The following ZMYND8 variants were observed in gnomAD, a reference collection of about 807,000 sequenced individuals.
ZMYND8 encodes the protein MYND-type zinc finger-containing chromatin reader ZMYND8.
A neutral mutation model predicts 140.8 loss-of-function variants in ZMYND8; 37 were observed. That is an observed-to-expected ratio of 0.26 (90% CI 0.20 to 0.35). The LOEUF is 0.35. Ranked by LOEUF, ZMYND8 falls within the 10% of genes least tolerant of loss-of-function variation. The probability of loss-of-function intolerance (pLI) is 1.00; values close to 1 mark genes in which losing one functional copy is unlikely to be tolerated. For missense variants in ZMYND8, 1,068 were observed against 1,570.0 expected (o/e 0.68, Z 5.40); for synonymous variants, 592 against 597.1 (o/e 0.99, Z 0.12).
intron 11 of ZMYND8, among the ~76,000 whole-genome samples, chr20:47,269,384 G>C (rs978101381): frequency 5.9e-5 from 9 of 152,302 alleles, no homozygotes; most frequent in Middle Eastern, 3.4e-3. Context: ...CAGTGGTCCT[G>C]AGGTTGAGAA....
At chr20:47,246,706 C>T (rs1037942838) in intron 13 of ZMYND8, among the ~76,000 whole-genome samples, 189 bp from the exon 14 acceptor site, 7 of 152,110 alleles carry the variant, frequency 4.6e-5, no homozygotes, top group African/African-American at 1.4e-4. Context: ...GTGGTACTTG[C>T]CTTGGGAGAG....
At chr20:47,312,305 A>C (rs1435937232) in intron 2 of ZMYND8, among the ~76,000 whole-genome samples, 1 of 152,214 alleles carries the variant, frequency 6.6e-6, no homozygotes, top group African/African-American at 2.4e-5. Context: ...TTCACAAAGG[A>C]AGACAATGAA....
chr20:47,326,106 C>T (rs567190187), intron 2 of ZMYND8, among the ~76,000 whole-genome samples: 9 of 152,274 alleles, frequency 5.9e-5, no homozygotes, highest in East Asian at 3.9e-4. Context: ...TACAGGTGCC[C>T]GCTACCACGC....
At chr20:47,322,920 G>T (rs770321456) in intron 2 of ZMYND8, among the ~76,000 whole-genome samples, 2 of 152,144 alleles carry the variant, frequency 1.3e-5, no homozygotes, top group Non-Finnish European at 2.9e-5. Context: ...CTTGGCATTG[G>T]CCAACGTCAA....
At chr20:47,355,584 A>G in intron 1 of ZMYND8, 1 of 770,346 alleles carries the variant, frequency 1.3e-6, no homozygotes, top group South Asian at 5.9e-5. Context: ...ACACAACAAC[A>G]ACAACACAAC....
chr20:47,276,017 TATG>T (rs1392224557), intron 11 of ZMYND8, among the ~76,000 whole-genome samples: 1 of 152,248 alleles, frequency 6.6e-6, no homozygotes, highest in Non-Finnish European at 1.5e-5. Flanking sequence ...TTATTTGTGT[TATG>T]GAAAGTCAAT....
Position 47,313,447 on chromosome 20 carries a change from C to T in ZMYND8, c.86-3243G>A, listed in dbSNP as rs1450672874. Reference sequence around the variant, plus strand: ...ACCATCCTGGCTAACATGGTGAAACCCCGTCTCTACCAAAAATACAAAAAA... The same window carrying T: ...ACCATCCTGGCTAACATGGTGAAACTCCGTCTCTACCAAAAATACAAAAAA... On this transcript the variant is annotated intron_variant, in intron 2 of 22. Coordinates refer to ENST00000471951, the MANE Select transcript of ZMYND8 (RefSeq NM_001281775.3). Among the ~76,000 whole-genome samples the T allele has an allele frequency of 3.3e-5, 5 of 151,324 alleles. No individual in the cohort carries two copies. The East Asian group carries it at 5.9e-4, about 18-fold the overall frequency.
chr20:47,228,502 A>C (rs1464580799), intron 17 of ZMYND8, among the ~76,000 whole-genome samples: 1 of 152,240 alleles, frequency 6.6e-6, no homozygotes, highest in Non-Finnish European at 1.5e-5. Context: ...TTTCAACCAC[A>C]CACCAATTCT....
intron 20 of ZMYND8, among the ~76,000 whole-genome samples, chr20:47,220,852 C>A (rs1040196898): frequency 6.6e-6 from 1 of 152,206 alleles, no homozygotes; most frequent in Non-Finnish European, 1.5e-5. Context: ...ACATACATCA[C>A]ACCCTGGCAA....
intron 1 of ZMYND8, chr20:47,355,348 G>A (rs1472089617): frequency 1.6e-5 from 11 of 667,394 alleles, no homozygotes; most frequent in Admixed American, 6.3e-5. Context: ...TGCTAATGAA[G>A]CCCCCAACTC....
chr20:47,242,104 G>A (rs868418361), intron 14 of ZMYND8, among the ~76,000 whole-genome samples: 25 of 152,088 alleles, frequency 1.6e-4, no homozygotes, highest in African/African-American at 5.8e-4. Context: ...GGCGTGAGCC[G>A]CTGCGCCCGG....
chr20:47,282,281 T>C, intron 9 of ZMYND8, 64 bp from the exon 10 acceptor site: 1 of 1,438,678 alleles, frequency 7.0e-7, no homozygotes, highest in Non-Finnish European at 9.7e-7. Context: ...TCACTAAAGT[T>C]TGGTATGTGA....
At position 47,237,201 on chromosome 20, in the gene ZMYND8, G is replaced by A. The variant is rs1429690241; in HGVS notation, c.2666-685C>T. ...TCTGTCGCCCAGGCTGGAGTGCAGT[G>A]GTGCAATCTTAGCTCACTGCAACCT... is the stretch of plus-strand genomic sequence containing the variant. On this transcript the variant is annotated intron_variant, in intron 15 of 22. Coordinates refer to ENST00000471951, the MANE Select transcript of ZMYND8 (RefSeq NM_001281775.3). 9.2e-5 allele frequency: 14 copies of A among 151,484 alleles called. No homozygotes were observed. In the East Asian group the frequency reaches 2.1e-3, roughly 23 times the overall value. 9.4% of individuals were successfully genotyped at this position (151,484 alleles called of 1,614,324 possible). A position where few individuals can be genotyped will look rare whatever the true frequency, so the allele number is the denominator to read the frequency against.
At position 47,276,366 on chromosome 20, in the gene ZMYND8, C is replaced by T. The variant is rs80108625; in HGVS notation, c.1428G>A (p.Ser476=). The T allele has an allele frequency of 1.1e-3, 1,686 of 1,601,732 alleles. 14 individuals are homozygous for T. In the African/African-American group the frequency reaches 0.017, roughly 16 times the overall value. Residue 476 remains serine, a synonymous_variant, in exon 11 of 23, where the codon TCG becomes TCA. Coordinates refer to ENST00000471951, the MANE Select transcript of ZMYND8 (RefSeq NM_001281775.3). The part of the protein sequence containing the change: ...VEQDAEKKAT[S]SHFSASEESM... The stretch of plus-strand genomic sequence containing the variant: ...ACTCCTCGCTCGCACTGAAGTGGCT[C>T]GACGTGGCCTTCTTCTCAGCATCCT...
At chr20:47,223,168 T>C (rs1240460647) in intron 19 of ZMYND8, among the ~76,000 whole-genome samples, 1 of 152,200 alleles carries the variant, frequency 6.6e-6, no homozygotes. Context: ...ATTCCAACCA[T>C]ACAAAGCTAG....
Position 47,210,440 on chromosome 20 carries a change from C to G in ZMYND8, c.*321G>C, listed in dbSNP as rs375471308. ...TTTTTTTTTTTTTTAAATCGTTTTT[C>G]TTTTTCTTTTTTTTTTTTTAATAAG... On this transcript the variant is annotated 3_prime_UTR_variant, in exon 23 of 23. Coordinates refer to ENST00000471951, the MANE Select transcript of ZMYND8 (RefSeq NM_001281775.3). The G allele has an allele frequency of 6.4e-5, 7 of 109,772 alleles. No homozygotes were observed. Among genetic ancestry groups the G allele is most frequent in the South Asian group, 3.0e-4 (1 of 3,318 alleles). The allele number at this position is 109,772 out of a possible 1,614,324, so 6.8% of individuals were successfully genotyped here.
intron 21 of ZMYND8, 145 bp downstream of exon 21, chr20:47,220,112 CA>C: frequency 7.4e-6 from 5 of 676,502 alleles, no homozygotes; most frequent in South Asian, 5.7e-5. Context: ...CCCTCACCCC[CA>C]CTGACCCACC....
intron 22 of ZMYND8, among the ~76,000 whole-genome samples, chr20:47,212,165 A>G (rs2035366034): frequency 6.6e-6 from 1 of 152,186 alleles, no homozygotes; most frequent in Non-Finnish European, 1.5e-5. Context: ...TCCTACAGTG[A>G]TGTGGTCAAA....
intron 8 of ZMYND8, among the ~76,000 whole-genome samples, chr20:47,286,582 AAC>A (rs1403074108): frequency 6.6e-6 from 1 of 152,152 alleles, no homozygotes; most frequent in Non-Finnish European, 1.5e-5. Context: ...GTGCTATCTG[AAC>A]AGTTTTTCTT....
Sources: allele counts gnomAD v4.1 joint callset (sites outside exome capture counted in the v4.1 genomes callset), GRCh38; gene constraint gnomAD v4.1.1; transcripts MANE v1.5; gene names NCBI Gene and HGNC (gene_info 2026-07-23, HGNC 2026-07-21).